The following PRR5L variants were observed in gnomAD, a reference collection of about 807,000 sequenced individuals.
The protein encoded by PRR5L is proline-rich protein 5-like.
A neutral mutation model predicts 36.4 loss-of-function variants in PRR5L; 21 were observed. That is an observed-to-expected ratio of 0.58 (90% CI 0.41 to 0.83). PRR5L has a LOEUF of 0.83. Ranked by LOEUF, PRR5L falls within the 40% of genes least tolerant of loss-of-function variation. The pLI is 0.00. For synonymous variants in PRR5L, 188 were observed against 197.0 expected (o/e 0.95, Z 0.38); for missense variants, 381 against 473.3 (o/e 0.80, Z 1.81).
chr11:36,459,626 G>A lies in PRR5L; in HGVS notation c.713-2716G>A, dbSNP rs1481406251. Among the ~76,000 whole-genome samples, 5 of 152,190 alleles carry A rather than the reference G, an allele frequency of 3.3e-5. No homozygotes were observed. In the East Asian group the frequency reaches 7.7e-4, roughly 23 times the overall value. The stretch of plus-strand genomic sequence containing the variant: ...GTGCTTTAGTTTCCCCATCTGTAAG[G>A]TGGCAGTGGTGATAGCAGTACCCAG... On this transcript the variant is annotated intron_variant, in intron 8 of 8. Coordinates refer to ENST00000530639, the MANE Select transcript of PRR5L (RefSeq NM_001160167.2).
intron 5 of PRR5L, among the ~76,000 whole-genome samples, chr11:36,435,592 T>C (rs1309595925): frequency 1.3e-5 from 2 of 152,052 alleles, no homozygotes; most frequent in Non-Finnish European, 2.9e-5. Context: ...TGACAGAGAA[T>C]GGTGACTGAA....
intron 1 of PRR5L, among the ~76,000 whole-genome samples, chr11:36,305,630 A>T (rs1032801210): frequency 3.9e-5 from 6 of 152,318 alleles, no homozygotes; most frequent in Middle Eastern, 6.8e-3. Flanking sequence ...TTAGGTCATA[A>T]GGGTGGGGCC....
chr11:36,326,006 G>A (rs957490002), intron 1 of PRR5L, among the ~76,000 whole-genome samples: 1 of 151,796 alleles, frequency 6.6e-6, no homozygotes, highest in South Asian at 2.1e-4. Flanking sequence ...ATTATTTTTG[G>A]TGAGTATTTC....
chr11:36,310,718 G>T (rs946798308), intron 1 of PRR5L, among the ~76,000 whole-genome samples: 5 of 152,128 alleles, frequency 3.3e-5, no homozygotes, highest in African/African-American at 9.7e-5. Flanking sequence ...GTTCTCAGGG[G>T]CTGGGTGTGG....
intron 1 of PRR5L, among the ~76,000 whole-genome samples, chr11:36,332,726 C>T (rs575280119): frequency 6.6e-6 from 1 of 152,162 alleles, no homozygotes; most frequent in South Asian, 2.1e-4. Context: ...CATGTGAGAG[C>T]TCGTTGTTTA....
At chr11:36,337,884 A>T (rs550791082) in intron 1 of PRR5L, among the ~76,000 whole-genome samples, 2 of 152,380 alleles carry the variant, frequency 1.3e-5, no homozygotes, top group Admixed American at 1.3e-4. Context: ...AATGTGAAAC[A>T]GTTCAGAGGT....
chr11:36,442,281 C>G (rs1858737821), intron 6 of PRR5L, among the ~76,000 whole-genome samples: 2 of 152,090 alleles, frequency 1.3e-5, no homozygotes, highest in South Asian at 4.1e-4. Flanking sequence ...TTCCTTTACA[C>G]CTATTCCTGA....
intron 1 of PRR5L, among the ~76,000 whole-genome samples, chr11:36,326,152 C>T (rs7114134): frequency 0.096 from 14,588 of 152,128 alleles, 1,283 homozygotes; most frequent in African/African-American, 0.24. Context: ...CATCACCCAG[C>T]TTTAATAATT....
chr11:36,312,018 G>C (rs1856508893), intron 1 of PRR5L, among the ~76,000 whole-genome samples: 2 of 152,122 alleles, frequency 1.3e-5, no homozygotes, highest in Admixed American at 1.3e-4. Flanking sequence ...AGTGAGAGGA[G>C]ATAACATATT....
At chr11:36,302,052 T>C (rs1216891249) in intron 1 of PRR5L, among the ~76,000 whole-genome samples, 35 of 152,000 alleles carry the variant, frequency 2.3e-4, no homozygotes, top group Non-Finnish European at 8.8e-5. Context: ...TATATGGGAG[T>C]TTACTGTACT....
chr11:36,404,687 C>T (rs1857873890), intron 3 of PRR5L, among the ~76,000 whole-genome samples: 1 of 152,098 alleles, frequency 6.6e-6, no homozygotes, highest in Non-Finnish European at 1.5e-5. Flanking sequence ...TTGTTCTGTT[C>T]CTGTTTACTG....
At chr11:36,397,438 G>A (rs1391709781) in intron 1 of PRR5L, among the ~76,000 whole-genome samples, 1 of 127,398 alleles carries the variant, frequency 7.8e-6, no homozygotes, top group African/African-American at 2.9e-5. Context: ...CCAGGCAGCC[G>A]ATGCCTTTTT....
intron 1 of PRR5L, 133 bp from the exon 2 acceptor site, chr11:36,400,864 G>C: frequency 1.7e-6 from 1 of 589,540 alleles, no homozygotes; most frequent in Non-Finnish European, 2.6e-6. Context: ...ATGGGAACCT[G>C]CCAGGGAATA....
rs553512371 is a variant in PRR5L, at chr11:36,427,906, C to G, written c.295-3947C>G. Among the ~76,000 whole-genome samples, 70 of 152,370 alleles carry G rather than the reference C, an allele frequency of 4.6e-4. No individual in the cohort carries two copies. In the South Asian group the frequency reaches 0.014, roughly 31 times the overall value. ...CCTTCCCACTGGCCTGCCACTGCAG[C>G]TCATAGTGGGCAGGTAACCCCAAGA... On this transcript the variant is annotated intron_variant, in intron 4 of 8. Coordinates refer to ENST00000530639, the MANE Select transcript of PRR5L (RefSeq NM_001160167.2).
At chr11:36,457,058 T>A (rs1349074666) in intron 8 of PRR5L, among the ~76,000 whole-genome samples, 1 of 152,182 alleles carries the variant, frequency 6.6e-6, no homozygotes, top group African/African-American at 2.4e-5. Context: ...CCTCCAAGGA[T>A]CACTGGAGAC....
intron 7 of PRR5L, among the ~76,000 whole-genome samples, chr11:36,449,642 G>A (rs1858903832): frequency 6.6e-6 from 1 of 152,194 alleles, no homozygotes; most frequent in South Asian, 2.1e-4. Context: ...TGTACTCAGA[G>A]GACCCTGAGC....
At chr11:36,350,235 T>A (rs1375765776) in intron 1 of PRR5L, among the ~76,000 whole-genome samples, 1 of 140,312 alleles carries the variant, frequency 7.1e-6, no homozygotes, top group Non-Finnish European at 1.5e-5. Context: ...GTGGGGGGTA[T>A]AAGTGAGTGT....
intron 8 of PRR5L, among the ~76,000 whole-genome samples, chr11:36,455,759 G>A (rs574527424): frequency 9.2e-5 from 14 of 152,318 alleles, no homozygotes; most frequent in East Asian, 7.7e-4. Flanking sequence ...CGGGCCTGGC[G>A]TTCAGTTTTA....
chr11:36,321,108 T>C (rs1856609901), intron 1 of PRR5L: 1 of 152,242 alleles, frequency 6.6e-6, no homozygotes, highest in Non-Finnish European at 1.5e-5. Context: ...TTTAAAAATA[T>C]TTTATTTTCT....
Sources: gnomAD v4.1 joint callset for allele counts (sites outside exome capture counted in the v4.1 genomes callset) on GRCh38, gnomAD v4.1.1 for gene constraint, MANE v1.5 for transcripts, NCBI Gene and HGNC (gene_info 2026-07-23, HGNC 2026-07-21) for gene names.